KCNQ5: variants seen among roughly 807,000 people sequenced by gnomAD.
The protein encoded by KCNQ5 is potassium voltage-gated channel subfamily Q member 5, also known as potassium voltage-gated channel subfamily KQT member 5.
Under a neutral mutation model 98.2 loss-of-function variants are expected in KCNQ5, and 30 were observed. The observed-to-expected ratio is 0.31, with a 90% CI of 0.23 to 0.41. KCNQ5 has a LOEUF of 0.41. Ranked by LOEUF, KCNQ5 falls within the 10% of genes least tolerant of loss-of-function variation. KCNQ5 has a pLI of 1.00. For synonymous variants in KCNQ5, 458 were observed against 449.4 expected, an observed-to-expected ratio of 1.02 and a Z score of -0.24; for missense variants, 835 against 1,182.5, an observed-to-expected ratio of 0.71 and a Z score of 4.31.
intron 1 of KCNQ5, among the ~76,000 whole-genome samples, chr6:72,830,465 C>G (rs1239618361): frequency 1.3e-5 from 2 of 152,098 alleles, no homozygotes; most frequent in African/African-American, 2.4e-5. Flanking sequence ...ACAAACCTGA[C>G]AAAAACAAGG....
At chr6:73,059,162 C>T (rs952713055) in intron 3 of KCNQ5, among the ~76,000 whole-genome samples, 2 of 152,148 alleles carry the variant, frequency 1.3e-5, no homozygotes, top group African/African-American at 4.8e-5. Flanking sequence ...TGAAATCAAC[C>T]TACATGCCCA....
chr6:72,802,918 C>T (rs1434536302), intron 1 of KCNQ5, among the ~76,000 whole-genome samples: 2 of 152,108 alleles, frequency 1.3e-5, no homozygotes, highest in African/African-American at 4.8e-5. Context: ...GGAATTATAA[C>T]GTCATCATTG....
At chr6:72,652,647 A>G (rs1040541347) in intron 1 of KCNQ5, among the ~76,000 whole-genome samples, 1 of 151,742 alleles carries the variant, frequency 6.6e-6, no homozygotes, top group African/African-American at 2.4e-5. Flanking sequence ...TTCTCTCCTC[A>G]CCGTTGCCAG....
intron 7 of KCNQ5, among the ~76,000 whole-genome samples, chr6:73,111,865 C>T (rs1239798008): frequency 6.6e-6 from 1 of 152,176 alleles, no homozygotes; most frequent in Non-Finnish European, 1.5e-5. Flanking sequence ...TGTGAAATTG[C>T]TTTTAGTGCC....
intron 1 of KCNQ5, among the ~76,000 whole-genome samples, chr6:72,655,723 G>A (rs975380150): frequency 1.3e-5 from 2 of 152,068 alleles, no homozygotes; most frequent in South Asian, 2.1e-4. Flanking sequence ...GAGGAAATTC[G>A]GATTGATTCA....
At position 73,142,848 on chromosome 6, in the gene KCNQ5, G is replaced by A. The variant is rs182312236; in HGVS notation, c.1468+9207G>A. 3.9e-3 allele frequency among the ~76,000 whole-genome samples: 590 copies of A among 152,266 alleles called. 6 individuals carry two copies. The highest frequency in any genetic ancestry group is 0.013 in the African/African-American group (557 of 41,540). On this transcript the variant is annotated intron_variant, in intron 10 of 13. Transcript: ENST00000370398. ...GGAGAATCACTTGAATCCAGGAAGA[G>A]GAGGTTGCAGTGAGCTGAGATTGCA...
chr6:72,750,940 C>A (rs373911106), intron 1 of KCNQ5, among the ~76,000 whole-genome samples: 133 of 151,966 alleles, frequency 8.8e-4, no homozygotes, highest in African/African-American at 3.0e-3. Flanking sequence ...AAAAAAGATA[C>A]ATCTTCTGAA....
At chr6:73,051,338 T>C (rs1324116423) in intron 3 of KCNQ5, among the ~76,000 whole-genome samples, 1 of 152,216 alleles carries the variant, frequency 6.6e-6, no homozygotes, top group Non-Finnish European at 1.5e-5. Context: ...ACCAGCACTC[T>C]GCCCCAGTTG....
At chr6:72,861,481 C>T (rs1777760104) in intron 1 of KCNQ5, among the ~76,000 whole-genome samples, 1 of 152,128 alleles carries the variant, frequency 6.6e-6, no homozygotes, top group Non-Finnish European at 1.5e-5. Context: ...AGAAAGAATT[C>T]ACCAGAATGT....
intron 1 of KCNQ5, among the ~76,000 whole-genome samples, chr6:72,800,818 A>G (rs1774607525): frequency 6.6e-6 from 1 of 152,178 alleles, no homozygotes; most frequent in Admixed American, 6.6e-5. Context: ...AGATTCTGGT[A>G]TGTTGTATCT....
chr6:73,119,429 T>C (rs1423426192), intron 7 of KCNQ5, among the ~76,000 whole-genome samples: 1 of 152,208 alleles, frequency 6.6e-6, no homozygotes, highest in Non-Finnish European at 1.5e-5. Context: ...ATAAAAATAC[T>C]TTGTCTTATG....
intron 1 of KCNQ5, among the ~76,000 whole-genome samples, chr6:72,981,236 C>G (rs1236249008): frequency 4.6e-5 from 7 of 152,144 alleles, no homozygotes; most frequent in African/African-American, 1.7e-4. Flanking sequence ...AGAAATGGTA[C>G]CAGCTCCTCT....
intron 11 of KCNQ5, 22 bp downstream of exon 11, chr6:73,169,876 CGT>C (rs763848665): frequency 1.4e-6 from 2 of 1,429,528 alleles, no homozygotes; most frequent in Non-Finnish European, 2.0e-6. Flanking sequence ...TCTTGAACAA[CGT>C]GATTCAGAGA....
chr6:72,986,741 G>A (rs1415538799), intron 1 of KCNQ5: 2 of 1,467,784 alleles, frequency 1.4e-6, no homozygotes, highest in African/African-American at 1.4e-5. Context: ...TGCCTCTGGG[G>A]TGAAAACCTC....
At chr6:72,751,440 T>C (rs1204592805) in intron 1 of KCNQ5, among the ~76,000 whole-genome samples, 1 of 151,892 alleles carries the variant, frequency 6.6e-6, no homozygotes, top group Non-Finnish European at 1.5e-5. Context: ...GAAAAAAACA[T>C]AATTTTTTGT....
At chr6:73,022,314 T>C (rs1054090116) in intron 2 of KCNQ5, among the ~76,000 whole-genome samples, 1 of 152,122 alleles carries the variant, frequency 6.6e-6, no homozygotes, top group African/African-American at 2.4e-5. Flanking sequence ...TTTTTCACTT[T>C]TAACACATAT....
intron 10 of KCNQ5, among the ~76,000 whole-genome samples, chr6:73,154,226 A>G (rs529715443): frequency 1.3e-5 from 2 of 152,244 alleles, no homozygotes; most frequent in East Asian, 3.8e-4. Context: ...ACTCAGTGAG[A>G]TGATTTTTCT....
chr6:72,819,845 T>A (rs1339161397), intron 1 of KCNQ5, among the ~76,000 whole-genome samples: 1 of 152,222 alleles, frequency 6.6e-6, no homozygotes, highest in Non-Finnish European at 1.5e-5. Context: ...GTCTGCCTAT[T>A]GCAACAGCAC....
chr6:73,164,570 G>C (rs1777723730), intron 10 of KCNQ5, among the ~76,000 whole-genome samples: 2 of 152,176 alleles, frequency 1.3e-5, no homozygotes, highest in South Asian at 4.1e-4. Flanking sequence ...TGCAACATTA[G>C]GCTGGGAGGT....
Sources: gnomAD v4.1 joint callset for allele counts (sites outside exome capture counted in the v4.1 genomes callset) on GRCh38, gnomAD v4.1.1 for gene constraint, MANE v1.5 for transcripts, NCBI Gene and HGNC (gene_info 2026-07-23, HGNC 2026-07-21) for gene names.